Variants in SYNPO2 observed in about 807,000 individuals in gnomAD.
SYNPO2 encodes the protein synaptopodin 2.
SYNPO2 carries 56 observed loss-of-function variants against 85.0 expected under a neutral mutation model. That is an observed-to-expected ratio of 0.66 (90% confidence interval 0.53 to 0.82). SYNPO2 has a LOEUF of 0.82. SYNPO2 is among the 40% of genes least tolerant of loss of function. The pLI, the probability that SYNPO2 is intolerant of heterozygous loss-of-function variation, is 0.00. For missense variants in SYNPO2, 1,575 were observed against 1,534.2 expected, an observed-to-expected ratio of 1.03 and a Z score of -0.44; for synonymous variants, 602 against 591.1, an observed-to-expected ratio of 1.02 and a Z score of -0.27.
intron 1 of SYNPO2, among the ~76,000 whole-genome samples, chr4:118,982,919 T>C (rs1478433057): frequency 6.6e-6 from 1 of 152,094 alleles, no homozygotes; most frequent in Non-Finnish European, 1.5e-5. Flanking sequence ...GGGGGAGAAA[T>C]TAAAGAAAGA....
chr4:119,043,435 A>C (rs1306338351), intron 4 of SYNPO2: 2 of 152,204 alleles, frequency 1.3e-5, no homozygotes, highest in Non-Finnish European at 2.9e-5. Context: ...ACTAAAAGTG[A>C]AAAAATTGTT....
At position 118,881,363 on chromosome 4, in the gene SYNPO2, C is replaced by T. The variant is rs116613561; in HGVS notation, c.12+30423C>T. 2.0e-3 allele frequency among the ~76,000 whole-genome samples: 298 copies of T among 151,752 alleles called. 1 individual carries two copies. Among genetic ancestry groups the T allele is most frequent in the African/African-American group, 5.0e-3 (205 of 41,402 alleles). On this transcript the variant is annotated intron_variant, in intron 1 of 4. Coordinates refer to the SYNPO2 transcript ENST00000610556. ...ATATAGACCTGTCCAGAGGGAAGAC[C>T]ATGTGAAGCCAGAGGGAAGTGACCA...
chr4:119,006,558 A>T (rs1229677026), intron 1 of SYNPO2, among the ~76,000 whole-genome samples: 1 of 152,322 alleles, frequency 6.6e-6, no homozygotes, highest in East Asian at 1.9e-4. Context: ...ACAGACTCAT[A>T]ATTTGTGGTA....
chr4:118,873,659 C>A (rs76540420), intron 1 of SYNPO2, among the ~76,000 whole-genome samples: 3 of 151,918 alleles, frequency 2.0e-5, no homozygotes, highest in Admixed American at 2.0e-4. Context: ...GTTGTGTGTT[C>A]GCTTTATTTA....
chr4:119,037,424 T>C (rs1738562305), intron 4 of SYNPO2: 4 of 1,157,180 alleles, frequency 3.5e-6, no homozygotes, highest in South Asian at 7.1e-5. Flanking sequence ...AGAAAAATGT[T>C]CTTCTTGGAA....
rs79358272 is a variant in SYNPO2 at position 119,023,331 on chromosome 4, G to A, written c.106-99G>A. On this transcript the variant is annotated intron_variant, in intron 1 of 4. Coordinates refer to ENST00000307142, the MANE Select transcript of SYNPO2 (RefSeq NM_133477.3). ...GGTTAACAGGTGAATTAAAATTCAG[G>A]GCTGGTGTTACTGTTGACAGATTTG... 19 of 1,285,276 alleles carry A rather than the reference G, an allele frequency of 1.5e-5. No individual in the cohort carries two copies. In the East Asian group the frequency reaches 4.8e-4, roughly 33 times the overall value. The allele number at this position is 1,285,276 out of a possible 1,614,324, so 79.6% of individuals were successfully genotyped here.
intron 1 of SYNPO2, among the ~76,000 whole-genome samples, chr4:119,014,962 A>G (rs1737471999): frequency 6.6e-6 from 1 of 152,190 alleles, no homozygotes. Flanking sequence ...ACTACAGTAA[A>G]TGTTCAGTGC....
At chr4:118,983,668 T>A (rs1736114142) in intron 1 of SYNPO2, among the ~76,000 whole-genome samples, 1 of 152,178 alleles carries the variant, frequency 6.6e-6, no homozygotes, top group Admixed American at 6.5e-5. Context: ...ATATAAGAAT[T>A]TTTCAGTACT....
intron 1 of SYNPO2, among the ~76,000 whole-genome samples, chr4:118,976,806 C>T (rs71624979): frequency 6.2e-4 from 95 of 152,194 alleles, no homozygotes; most frequent in Middle Eastern, 6.8e-3. Flanking sequence ...ATTTACAATA[C>T]TTGAGCTAGA....
chr4:119,012,561 CCAA>C (rs1737361109), intron 1 of SYNPO2, among the ~76,000 whole-genome samples: 1 of 151,900 alleles, frequency 6.6e-6, no homozygotes, highest in Admixed American at 6.5e-5. Flanking sequence ...CCACTTGACT[CCAA>C]CAGGTTCCGG....
At chr4:119,048,168 G>A (rs990097601) in intron 4 of SYNPO2, among the ~76,000 whole-genome samples, 6 of 152,114 alleles carry the variant, frequency 3.9e-5, no homozygotes, top group African/African-American at 7.2e-5. Flanking sequence ...GACTAGTCCT[G>A]TCTGTCTTGT....
chr4:119,024,324 T>C (rs975049720), intron 2 of SYNPO2, among the ~76,000 whole-genome samples: 4 of 152,236 alleles, frequency 2.6e-5, no homozygotes, highest in African/African-American at 9.6e-5. Context: ...GCTCTGGCTA[T>C]TGCATGATAA....
At chr4:118,861,051 C>T (rs970530266) in intron 1 of SYNPO2, among the ~76,000 whole-genome samples, 1 of 152,072 alleles carries the variant, frequency 6.6e-6, no homozygotes, top group Non-Finnish European at 1.5e-5. Context: ...TCTCATTTGT[C>T]TATTTTTGTT....
At chr4:119,023,152 A>C (rs181065351) in intron 1 of SYNPO2, among the ~76,000 whole-genome samples, 2 of 152,074 alleles carry the variant, frequency 1.3e-5, no homozygotes, top group Admixed American at 1.3e-4. Flanking sequence ...TATTTCTTTA[A>C]TTCTGTCTGG....
intron 4 of SYNPO2, among the ~76,000 whole-genome samples, chr4:119,041,637 G>T (rs1450688716): frequency 6.6e-6 from 1 of 152,088 alleles, no homozygotes; most frequent in Non-Finnish European, 1.5e-5. Flanking sequence ...AACTCATTGT[G>T]GGTGGTATTA....
At chr4:118,973,837 T>C (rs918778021) in intron 1 of SYNPO2, among the ~76,000 whole-genome samples, 2 of 152,190 alleles carry the variant, frequency 1.3e-5, no homozygotes, top group African/African-American at 4.8e-5. Flanking sequence ...GCTACACCAA[T>C]CAGTAGCCAC....
chr4:119,035,476 G>A (rs771973424), intron 4 of SYNPO2: 382 of 985,290 alleles, frequency 3.9e-4, no homozygotes, highest in Non-Finnish European at 4.5e-4. Context: ...TGCATTGGTA[G>A]TGTAAAGCAT....
chr4:118,890,110 T>C (rs994757963), intron 1 of SYNPO2, among the ~76,000 whole-genome samples: 1 of 152,076 alleles, frequency 6.6e-6, no homozygotes, highest in Non-Finnish European at 1.5e-5. Flanking sequence ...TATTGTTTGT[T>C]TCCCTCTGGC....
At chr4:118,966,610 TAA>T (rs1341374259) in intron 1 of SYNPO2, among the ~76,000 whole-genome samples, 1 of 152,168 alleles carries the variant, frequency 6.6e-6, no homozygotes, top group Non-Finnish European at 1.5e-5. Context: ...GAAGCATTTA[TAA>T]AAATTTAAAT....
Sources: allele counts gnomAD v4.1 joint callset (sites outside exome capture counted in the v4.1 genomes callset), GRCh38; gene constraint gnomAD v4.1.1; transcripts MANE v1.5; gene names NCBI Gene and HGNC (gene_info 2026-07-23, HGNC 2026-07-21).